The following NUDT13 variants were observed in gnomAD, a reference collection of about 807,000 sequenced individuals.
NUDT13 encodes NAD(P)H pyrophosphatase NUDT13, mitochondrial.
NUDT13 carries 40 observed loss-of-function variants against 41.7 expected under a neutral mutation model. The ratio of observed to expected loss-of-function variants is 0.96; its 90% confidence interval spans 0.75 to 1.25. The LOEUF is 1.25. Among genes scored for constraint, NUDT13 ranks in the 50% most tolerant of loss-of-function variants. The pLI is 0.00. For synonymous variants in NUDT13, 145 were observed against 155.5 expected (o/e 0.93, Z 0.50); for missense variants, 390 against 416.1 (o/e 0.94, Z 0.55).
In NUDT13 at chr10:73,116,754, T is replaced by A. The variant is rs1842521957; in HGVS notation, c.83+2306T>A. On this transcript the variant is annotated intron_variant, in intron 2 of 8. Transcript: ENST00000357321. ...GAGACCCTGTCTCAAAGAAAAAAAA[T>A]TAGAAGCACATAAGCATATAATCCT... Among the ~76,000 whole-genome samples the A allele has an allele frequency of 4.6e-5, 7 of 151,634 alleles. No individual in the cohort carries two copies. In the South Asian group the frequency reaches 1.5e-3, roughly 32 times the overall value.
In NUDT13 at chr10:73,124,268, T is replaced by C; in HGVS notation, c.413T>C (p.Leu138Pro). ...ETELKGSFIE[L>P]RKALFQLNAR... is the part of the protein sequence containing the mutation. The stretch of plus-strand genomic sequence containing the variant: ...GAGCTCAAGGGGTCTTTCATTGAGC[T>C]GAGAAAGGCACTCTTTCAACTCAAT... The change falls in exon 5 of 9, where the codon CTG becomes CCG. Residue 138 changes from leucine to proline, a missense_variant. Coordinates refer to ENST00000357321, the MANE Select transcript of NUDT13 (RefSeq NM_015901.6). The C allele has an allele frequency of 1.2e-6, 2 of 1,613,594 alleles. No individual in the cohort carries two copies. Among genetic ancestry groups the C allele is most frequent in the Non-Finnish European group, 1.7e-6 (2 of 1,179,930 alleles).
intron 1 of NUDT13, among the ~76,000 whole-genome samples, chr10:73,112,529 CA>C (rs560262761): frequency 5.3e-5 from 8 of 150,528 alleles, no homozygotes; most frequent in African/African-American, 1.7e-4. Context: ...TACTTTTTGA[CA>C]AAAAAAGTAT....
chr10:73,123,589 C>T (rs1014075029), intron 4 of NUDT13, among the ~76,000 whole-genome samples: 24 of 152,142 alleles, frequency 1.6e-4, no homozygotes, highest in African/African-American at 5.6e-4. Flanking sequence ...GATTGCTGGG[C>T]CTCACTCCAT....
chr10:73,117,344 G>A (rs1261056688), intron 2 of NUDT13, among the ~76,000 whole-genome samples: 1 of 151,534 alleles, frequency 6.6e-6, no homozygotes, highest in Non-Finnish European at 1.5e-5. Flanking sequence ...ATCACCTGAG[G>A]TCAGGAGTTC....
intron 8 of NUDT13, among the ~76,000 whole-genome samples, chr10:73,129,167 CTTTT>C (rs900393888): frequency 1.8e-5 from 2 of 110,210 alleles, no homozygotes; most frequent in African/African-American, 7.2e-5. Flanking sequence ...AAGACGTTGT[CTTTT>C]TTTTTTTTTT....
Position 73,122,329 on chromosome 10 carries a change from A to G in NUDT13, c.358+20A>G. ...TAAGTGGTACATGACATTATTCCTA[A>G]CGGGTACTTCCCAGTGGTCTTCAGA... On this transcript the variant is annotated intron_variant, in intron 4 of 8. Transcript: ENST00000357321. The G allele has an allele frequency of 1.3e-6, 2 of 1,599,048 alleles. No homozygotes were observed. Among genetic ancestry groups the G allele is most frequent in the Admixed American group, 1.8e-5 (1 of 56,036 alleles).
intron 2 of NUDT13, among the ~76,000 whole-genome samples, chr10:73,118,705 G>A (rs186957352): frequency 7.9e-5 from 12 of 152,276 alleles, no homozygotes; most frequent in Non-Finnish European, 1.5e-4. Context: ...GCTGGGTGTG[G>A]TGGCACACAC....
At position 73,125,142 on chromosome 10, in the gene NUDT13, G is replaced by A. The variant is rs1842738740; in HGVS notation, c.490G>A (p.Asp164Asn). The change falls in exon 6 of 9, where the codon GAT (aspartate) becomes AAT (asparagine). Residue 164 changes from aspartate (D) to asparagine (N), a missense_variant. Physicochemically the swap from Asp to Asn is conservative, Grantham distance 23. Transcript: ENST00000357321. The part of the protein sequence containing the change: ...STAQALLRWH[D>N]AHQFCSRSGQ... Reference sequence around the variant, plus strand: ...GGCTCAAGCTCTTCTCCGCTGGCATGATGCTCATCAGTTCTGCAGCAGAAG... The same window carrying A: ...GGCTCAAGCTCTTCTCCGCTGGCATAATGCTCATCAGTTCTGCAGCAGAAG... The A allele has an allele frequency of 1.2e-6, 2 of 1,612,352 alleles. No individual in the cohort carries two copies. Among genetic ancestry groups the A allele is most frequent in the Admixed American group, 1.7e-5 (1 of 59,250 alleles).
chr10:73,119,165 C>G (rs1267462021), intron 2 of NUDT13, among the ~76,000 whole-genome samples: 1 of 151,722 alleles, frequency 6.6e-6, no homozygotes, highest in Non-Finnish European at 1.5e-5. Context: ...TCGGCCTCAG[C>G]CTCCTGAGTA....
At chr10:73,114,212 A>T (rs898169100) in intron 1 of NUDT13, 145 bp from the exon 2 acceptor site, 1 of 381,732 alleles carries the variant, frequency 2.6e-6, no homozygotes, top group African/African-American at 2.1e-5. Flanking sequence ...TTTAGAAACA[A>T]GATCACCTGA....
At chr10:73,118,879 C>T (rs892462044) in intron 2 of NUDT13, among the ~76,000 whole-genome samples, 3 of 151,416 alleles carry the variant, frequency 2.0e-5, no homozygotes, top group Admixed American at 1.3e-4. Context: ...GGCTGAGGCA[C>T]GAGAATTGCC....
In NUDT13 at chr10:73,125,073, C is replaced by T. The variant is rs1263364754; in HGVS notation, c.466-45C>T. The T allele has an allele frequency of 2.6e-6, 4 of 1,566,818 alleles. No homozygotes were observed. In the South Asian group the frequency reaches 4.6e-5, roughly 18 times the overall value. ...GGCCCAGTGCTGTTAAAGATGAGCC[C>T]CGCATTCTCTCCAAATGACACCAGG... On this transcript the variant is annotated intron_variant, in intron 5 of 8. Transcript: ENST00000357321.
chr10:73,114,447 C>T lies in NUDT13; in HGVS notation c.82C>T (p.Arg28Trp), dbSNP rs199672264. 3.9e-5 allele frequency: 61 copies of T among 1,561,286 alleles called. No homozygotes were observed. Among genetic ancestry groups the T allele is most frequent in the South Asian group, 4.9e-5 (4 of 81,688 alleles). ...GCTGTCAACCTATGTTACTAAGACA[C>T]GGTGAGTTTTAGCCAACCTGAGCTT... is the stretch of plus-strand genomic sequence containing the variant. ...RLLSTYVTKT[R>W]YLFELKEDDD... Residue 28 changes from arginine (R) to tryptophan (W), a missense_variant and splice_region_variant, in exon 2 of 9, where the codon CGG becomes TGG. By Grantham distance (101) the Arg-to-Trp change is moderately radical. Transcript: ENST00000357321.
At chr10:73,121,710 T>G (rs1187947796) in intron 3 of NUDT13, among the ~76,000 whole-genome samples, 1 of 152,146 alleles carries the variant, frequency 6.6e-6, no homozygotes, top group East Asian at 1.9e-4. Flanking sequence ...AGGTGTGCAC[T>G]TCACTGCACC....
intron 7 of NUDT13, chr10:73,126,044 C>T (rs560303033): frequency 4.7e-6 from 1 of 210,904 alleles, no homozygotes; most frequent in South Asian, 8.8e-5. Context: ...CACCCATACA[C>T]CCACTACCCA....
At chr10:73,116,542 G>A (rs1021000531) in intron 2 of NUDT13, among the ~76,000 whole-genome samples, 2 of 152,012 alleles carry the variant, frequency 1.3e-5, no homozygotes, top group African/African-American at 2.4e-5. Context: ...TCAGGAGTTC[G>A]AGACCAGCTT....
intron 4 of NUDT13, 150 bp downstream of exon 4, chr10:73,122,459 C>A: frequency 1.4e-6 from 1 of 725,122 alleles, no homozygotes; most frequent in Non-Finnish European, 2.2e-6. Context: ...GTGTCATCTG[C>A]TATCATCATC....
chr10:73,113,043 A>G (rs1842407452), intron 1 of NUDT13, among the ~76,000 whole-genome samples: 1 of 152,080 alleles, frequency 6.6e-6, no homozygotes, highest in South Asian at 2.1e-4. Flanking sequence ...GTGTGCCACC[A>G]CGCCCAGCTA....
chr10:73,126,646 G>A (rs760239680), intron 7 of NUDT13, 27 bp from the exon 8 acceptor site: 2 of 1,613,290 alleles, frequency 1.2e-6, no homozygotes, highest in South Asian at 1.1e-5. Context: ...CTACAGGGCT[G>A]TCCTGAATTA....
Sources: gnomAD v4.1 joint callset for allele counts (sites outside exome capture counted in the v4.1 genomes callset) on GRCh38, gnomAD v4.1.1 for gene constraint, MANE v1.5 for transcripts, NCBI Gene and HGNC (gene_info 2026-07-23, HGNC 2026-07-21) for gene names.